DHRSX: variants seen among roughly 807,000 people sequenced by gnomAD.
DHRSX encodes dehydrogenase/reductase X-linked.
Under a neutral mutation model 34.0 loss-of-function variants are expected in DHRSX, and 31 were observed. The observed-to-expected ratio is 0.91, with a 90% CI of 0.69 to 1.23. The LOEUF is 1.23. DHRSX is among the 50% of genes most tolerant of loss of function. The pLI is 0.00. For synonymous variants in DHRSX, 201 were observed against 183.8 expected (o/e 1.09, Z -0.76); for missense variants, 414 against 428.1 (o/e 0.97, Z 0.29).
At chrX:2,236,712 G>A (rs776522647) in intron 6 of DHRSX, among the ~76,000 whole-genome samples, 1 of 152,100 alleles carries the variant, frequency 6.6e-6, no homozygotes, top group Non-Finnish European at 1.5e-5. Flanking sequence ...GATGACAGGT[G>A]TGAGCCACTG....
chrX:2,374,272 C>A (rs1056946726), intron 3 of DHRSX, among the ~76,000 whole-genome samples: 3 of 152,126 alleles, frequency 2.0e-5, no homozygotes, highest in African/African-American at 7.2e-5. Flanking sequence ...CTCTGAAATA[C>A]CAACATGTGG....
At chrX:2,350,393 C>T (rs936704206) in intron 3 of DHRSX, among the ~76,000 whole-genome samples, 3 of 151,988 alleles carry the variant, frequency 2.0e-5, no homozygotes, top group African/African-American at 7.3e-5. Flanking sequence ...AATGGAATAC[C>T]ACGCAGCCTT....
intron 4 of DHRSX, among the ~76,000 whole-genome samples, chrX:2,285,161 C>T (rs1004378288): frequency 3.3e-5 from 5 of 152,058 alleles, no homozygotes; most frequent in African/African-American, 7.2e-5. Flanking sequence ...GGGATGATTC[C>T]GGGGCATGAC....
At chrX:2,485,881 G>T (rs2044909325) in intron 1 of DHRSX, among the ~76,000 whole-genome samples, 2 of 145,236 alleles carry the variant, frequency 1.4e-5, no homozygotes, top group African/African-American at 2.5e-5. Flanking sequence ...GGAAGGAAGG[G>T]AGAGAAGAAG....
In DHRSX at chrX:2,270,238, T is replaced by C. The variant is rs142590744; in HGVS notation, c.389-3291A>G. On this transcript the variant is annotated intron_variant, in intron 4 of 6. Transcript: ENST00000334651. ...ACACAGTCTTTCCAGTTGTACTTTA[T>C]GAACACTCAAAACCAAAGCTGGCTC... Among the ~76,000 whole-genome samples, 1,407 of 152,250 alleles carry C rather than the reference T, an allele frequency of 9.2e-3. 18 individuals are homozygous for C. Among genetic ancestry groups the C allele is most frequent in the African/African-American group, 0.032 (1,334 of 41,540 alleles).
chrX:2,272,328 G>A (rs1269731641), intron 4 of DHRSX, among the ~76,000 whole-genome samples: 4 of 152,102 alleles, frequency 2.6e-5, no homozygotes, highest in Non-Finnish European at 5.9e-5. Context: ...CAGCTTAGGA[G>A]AGACGAGCTT....
chrX:2,298,595 C>T (rs1451845694), intron 3 of DHRSX, among the ~76,000 whole-genome samples: 2 of 137,788 alleles, frequency 1.5e-5, no homozygotes, highest in South Asian at 2.6e-4. Context: ...CCTGCAGGCG[C>T]GTGTGTACAC....
rs139295333 is a variant in DHRSX at position 2,306,104 on chromosome X, G to A, written c.287-14501C>T. Among the ~76,000 whole-genome samples, 28 of 152,184 alleles carry A rather than the reference G, an allele frequency of 1.8e-4. No homozygotes were observed. In the South Asian group the frequency reaches 2.1e-3, roughly 11 times the overall value. On this transcript the variant is annotated intron_variant, in intron 3 of 6. Transcript: ENST00000334651. ...ATGTACAATCCTGCATATGTACCCG[G>A]AACTTAAAATTTTTAAAAATTACCC...
At chrX:2,351,740 T>TC (rs1485347272) in intron 3 of DHRSX, among the ~76,000 whole-genome samples, 2 of 152,114 alleles carry the variant, frequency 1.3e-5, no homozygotes, top group African/African-American at 4.8e-5. Flanking sequence ...CTGAGAGCCC[T>TC]CCCTGCCCTT....
chrX:2,309,616 T>C (rs2042140387), intron 3 of DHRSX, among the ~76,000 whole-genome samples: 2 of 152,182 alleles, frequency 1.3e-5, no homozygotes, highest in South Asian at 2.1e-4. Flanking sequence ...CTGGGCTAAT[T>C]TGAAAATCAT....
intron 3 of DHRSX, among the ~76,000 whole-genome samples, chrX:2,358,405 C>T (rs6642127): frequency 0.84 from 127,190 of 152,168 alleles, 53,718 homozygotes; most frequent in African/African-American, 0.94. Context: ...AAAGAAGATA[C>T]ACATGCAGCT....
intron 1 of DHRSX, among the ~76,000 whole-genome samples, chrX:2,445,018 C>A (rs778588853): frequency 2.6e-4 from 39 of 151,926 alleles, no homozygotes; most frequent in African/African-American, 4.3e-4. Flanking sequence ...TTAGCTGGGC[C>A]TGGTGGCGGA....
At chrX:2,419,204 G>A (rs940381120) in intron 2 of DHRSX, among the ~76,000 whole-genome samples, 8 of 152,114 alleles carry the variant, frequency 5.3e-5, no homozygotes, top group Non-Finnish European at 1.2e-4. Flanking sequence ...CACGAGGGTG[G>A]AGCACAATGA....
At chrX:2,346,086 C>A (rs1008155860) in intron 3 of DHRSX, among the ~76,000 whole-genome samples, 4 of 152,108 alleles carry the variant, frequency 2.6e-5, no homozygotes, top group African/African-American at 9.7e-5. Flanking sequence ...GGAATTTCAT[C>A]CAGGAAAGCT....
chrX:2,322,876 A>G (rs62583692), intron 3 of DHRSX, among the ~76,000 whole-genome samples: 104,994 of 151,898 alleles, frequency 0.69, 37,042 homozygotes, highest in Middle Eastern at 0.8. Context: ...GACGTGTGTG[A>G]CGCCCCTAAC....
At chrX:2,348,782 C>A (rs2042751521) in intron 3 of DHRSX, among the ~76,000 whole-genome samples, 1 of 151,966 alleles carries the variant, frequency 6.6e-6, no homozygotes, top group East Asian at 1.9e-4. Context: ...CAACCTCCGC[C>A]TCCCAGGTTC....
At chrX:2,298,851 G>A (rs2041976727) in intron 3 of DHRSX, among the ~76,000 whole-genome samples, 1 of 151,950 alleles carries the variant, frequency 6.6e-6, no homozygotes, top group Non-Finnish European at 1.5e-5. Flanking sequence ...CGGGTGTGGT[G>A]GCACATGCCT....
chrX:2,494,906 T>G (rs1285966901), intron 1 of DHRSX, among the ~76,000 whole-genome samples: 1 of 151,888 alleles, frequency 6.6e-6, no homozygotes, highest in African/African-American at 2.4e-5. Flanking sequence ...ATTCTATTAT[T>G]ATTCTTATTT....
At chrX:2,375,015 A>G (rs1362119438) in intron 3 of DHRSX, among the ~76,000 whole-genome samples, 1 of 138,082 alleles carries the variant, frequency 7.2e-6, no homozygotes, top group East Asian at 2.0e-4. Flanking sequence ...GGCTGCAGTG[A>G]GCCAGATAGC....
Sources: gnomAD v4.1 joint callset for allele counts (sites outside exome capture counted in the v4.1 genomes callset) on GRCh38, gnomAD v4.1.1 for gene constraint, MANE v1.5 for transcripts, NCBI Gene and HGNC (gene_info 2026-07-23, HGNC 2026-07-21) for gene names.